Variants in CDH18 observed in about 807,000 individuals in gnomAD.
CDH18 encodes the protein cadherin-18.
CDH18 carries 31 observed loss-of-function variants against 67.9 expected under a neutral mutation model. The ratio of observed to expected loss-of-function variants is 0.46; its 90% CI spans 0.34 to 0.62. The LOEUF is 0.62. CDH18 is among the 20% of genes least tolerant of loss of function. The pLI, the probability that CDH18 is intolerant of heterozygous loss-of-function variation, is 0.01. For missense variants in CDH18, 890 were observed against 975.5 expected (o/e 0.91, Z 1.17); for synonymous variants, 362 against 347.2 (o/e 1.04, Z -0.48).
At chr5:19,634,748 A>C (rs1434268360) in intron 5 of CDH18, among the ~76,000 whole-genome samples, 1 of 151,904 alleles carries the variant, frequency 6.6e-6, no homozygotes, top group Non-Finnish European at 1.5e-5. Context: ...GACCACCTTG[A>C]CCAAAATGGA....
intron 1 of CDH18, among the ~76,000 whole-genome samples, chr5:20,342,136 G>T (rs73056781): frequency 6.6e-6 from 1 of 152,112 alleles, no homozygotes; most frequent in African/African-American, 2.4e-5. Flanking sequence ...TGGCTGACCT[G>T]CAATGAAAGA....
chr5:20,020,889 G>A (rs77286632), intron 2 of CDH18, among the ~76,000 whole-genome samples: 1,753 of 152,168 alleles, frequency 0.012, 41 homozygotes, highest in African/African-American at 0.04. Context: ...TCAGAACAGT[G>A]GATTCACCAA....
intron 11 of CDH18, among the ~76,000 whole-genome samples, chr5:19,484,255 C>G (rs1739990346): frequency 6.6e-6 from 1 of 152,102 alleles, no homozygotes; most frequent in South Asian, 2.1e-4. Flanking sequence ...TAATTCATAG[C>G]TGAAAATAAT....
chr5:20,243,724 T>C (rs1450835674), intron 2 of CDH18, among the ~76,000 whole-genome samples: 1 of 152,130 alleles, frequency 6.6e-6, no homozygotes, highest in Non-Finnish European at 1.5e-5. Flanking sequence ...TAAAATATTA[T>C]AAAAGCATAA....
Position 19,483,368 on chromosome 5 carries a change from G to C in CDH18, c.1815C>G (p.Phe605Leu), listed in dbSNP as rs1220047013. 6.2e-7 allele frequency: 1 copy of C among 1,614,092 alleles called. No homozygotes were observed. Among genetic ancestry groups the C allele is most frequent in the Admixed American group, 1.7e-5 (1 of 60,010 alleles). Reference sequence around the variant, plus strand: ...CTGTACTCAAACCAGCCGAGGACAGGAAGGCTTCTGCATGGCAGGTCCGCA... The same window carrying C: ...CTGTACTCAAACCAGCCGAGGACAGCAAGGCTTCTGCATGGCAGGTCCGCA... The part of the protein sequence containing the change: ...GRVRTCHAEA[F>L]LSSAGLSTGA... The change falls in exon 12 of 13, where the codon TTC becomes TTG. Residue 605 changes from phenylalanine to leucine, a missense_variant. Phe to Leu is a conservative substitution (Grantham distance 22). This residue lies in a region of CDH18 where 656 missense variants were observed against 668.1 expected (regional missense o/e 0.98). Transcript: ENST00000382275.
intron 1 of CDH18, among the ~76,000 whole-genome samples, chr5:20,484,907 A>G (rs572162998): frequency 6.6e-6 from 1 of 152,226 alleles, no homozygotes; most frequent in East Asian, 1.9e-4. Context: ...ATGATATTTT[A>G]TCATACATTT....
chr5:20,407,629 G>T (rs772611939), intron 1 of CDH18, among the ~76,000 whole-genome samples: 122 of 151,642 alleles, frequency 8.0e-4, no homozygotes, highest in Non-Finnish European at 1.4e-3. Context: ...TCAATAGAAG[G>T]ATTCAGTAGC....
At chr5:20,009,367 T>C (rs1737203123) in intron 2 of CDH18, among the ~76,000 whole-genome samples, 1 of 152,128 alleles carries the variant, frequency 6.6e-6, no homozygotes, top group Non-Finnish European at 1.5e-5. Flanking sequence ...TTCTAAAATA[T>C]AATAAATGTA....
chr5:19,803,900 T>G (rs570395696), intron 3 of CDH18: 17 of 152,122 alleles, frequency 1.1e-4, no homozygotes, highest in Admixed American at 8.5e-4. Context: ...GGCGGGCAGA[T>G]CACGAGGTCA....
At chr5:20,005,987 T>C (rs1736874575) in intron 2 of CDH18, among the ~76,000 whole-genome samples, 1 of 152,000 alleles carries the variant, frequency 6.6e-6, no homozygotes, top group Non-Finnish European at 1.5e-5. Flanking sequence ...AACATATTTA[T>C]TGAATTTCCT....
intron 10 of CDH18, among the ~76,000 whole-genome samples, chr5:19,504,717 A>G (rs1184915041): frequency 1.3e-5 from 2 of 152,124 alleles, no homozygotes; most frequent in Non-Finnish European, 2.9e-5. Flanking sequence ...CCTTCTTTAT[A>G]AAACAAATGT....
chr5:20,184,921 C>G (rs1052212613), intron 2 of CDH18, among the ~76,000 whole-genome samples: 10 of 152,158 alleles, frequency 6.6e-5, no homozygotes, highest in Non-Finnish European at 1.5e-4. Context: ...AATAAGCCTT[C>G]CTTGCCTGAA....
intron 7 of CDH18, among the ~76,000 whole-genome samples, chr5:19,587,788 T>C (rs1457447900): frequency 6.6e-6 from 1 of 152,096 alleles, no homozygotes; most frequent in African/African-American, 2.4e-5. Context: ...TTTGGTTTCA[T>C]ATAAATTTTA....
At chr5:20,419,465 T>TTTTG (rs1747656568) in intron 1 of CDH18, among the ~76,000 whole-genome samples, 2 of 18,130 alleles carry the variant, frequency 1.1e-4, no homozygotes, top group Admixed American at 8.9e-4. Flanking sequence ...GGACTCTGTT[T>TTTTG]TTTTTTTTTT....
intron 3 of CDH18, among the ~76,000 whole-genome samples, chr5:19,753,051 C>T (rs575031623): frequency 1.3e-5 from 2 of 152,282 alleles, no homozygotes; most frequent in Admixed American, 1.3e-4. Context: ...CCTAGACCTT[C>T]CCTCTGACAT....
In CDH18 at chr5:19,612,596, T is replaced by C. The variant is rs1749170687; in HGVS notation, c.649A>G (p.Ile217Val). The C allele has an allele frequency of 6.2e-7, 1 of 1,608,310 alleles. No homozygotes were observed. Among genetic ancestry groups the C allele is most frequent in the Non-Finnish European group, 8.5e-7 (1 of 1,174,752 alleles). ...TCCATGTTATGTAAGGCCGTTCTAA[T>C]AACTCCTGTAATAGATATATTTTAA... is the stretch of plus-strand genomic sequence containing the variant. ...YFSVDPKTGVIRTALHNMDRE... is the reference protein window; with the variant it reads ...YFSVDPKTGVVRTALHNMDRE... The change falls in exon 6 of 13, where the codon ATT (isoleucine) becomes GTT (valine). Residue 217 changes from isoleucine (I) to valine (V), a missense_variant. Physicochemically the swap from Ile to Val is conservative, Grantham distance 29. Transcript: ENST00000382275.
intron 2 of CDH18, among the ~76,000 whole-genome samples, chr5:20,147,776 A>G (rs933147411): frequency 1.3e-5 from 2 of 152,202 alleles, no homozygotes; most frequent in Admixed American, 1.3e-4. Flanking sequence ...AAATATAAAT[A>G]ATAAGATGTT....
At position 19,473,417 on chromosome 5, in the gene CDH18, T is replaced by G; in HGVS notation, c.2182A>C (p.Ser728Arg). 7 of 1,613,834 alleles carry G rather than the reference T, an allele frequency of 4.3e-6. No homozygotes were observed. Among genetic ancestry groups the G allele is most frequent in the Non-Finnish European group, 5.9e-6 (7 of 1,179,866 alleles). The change falls in exon 13 of 13, where the codon AGC (serine) becomes CGC (arginine). Residue 728 changes from serine (S) to arginine (R), a missense_variant. By Grantham distance (110) the Ser-to-Arg change is moderately radical. Around this residue, in one of 2 missense-constraint regions of CDH18, gnomAD observed 656 missense variants for 668.1 expected, o/e 0.98. Transcript: ENST00000382275. ...QRLAEADLDP[S>R]VPPYDSLQTY... ...TGAAGAGAGTCATAAGGGGGAACGCTAGGGTCTAGGTCTGCTTCTGCCAGT... is the reference window on the plus strand; with the variant it reads ...TGAAGAGAGTCATAAGGGGGAACGCGAGGGTCTAGGTCTGCTTCTGCCAGT...
At chr5:20,474,521 C>G (rs1402091405) in intron 1 of CDH18, among the ~76,000 whole-genome samples, 2 of 152,110 alleles carry the variant, frequency 1.3e-5, no homozygotes, top group Non-Finnish European at 2.9e-5. Context: ...AGAATCAGCT[C>G]TTATAGACTA....
Sources: gnomAD v4.1 joint callset for allele counts (sites outside exome capture counted in the v4.1 genomes callset) on GRCh38, gnomAD v4.1.1 for gene constraint, gnomAD v4.1.1 regional missense constraint, MANE v1.5 for transcripts, NCBI Gene and HGNC (gene_info 2026-07-23, HGNC 2026-07-21) for gene names.